GRM7: variants seen among roughly 807,000 people sequenced by gnomAD.
GRM7 encodes metabotropic glutamate receptor 7.
In GRM7, 35 loss-of-function variants were observed where a neutral mutation model predicts 84.5. The ratio of observed to expected loss-of-function variants is 0.41; its 90% confidence interval spans 0.32 to 0.55. GRM7 has a LOEUF of 0.55. Ranked by LOEUF, GRM7 falls within the 20% of genes least tolerant of loss-of-function variation. The pLI is 0.19. For missense variants in GRM7, 1,003 were observed against 1,194.6 expected (o/e 0.84, Z 2.36); for synonymous variants, 487 against 455.1 (o/e 1.07, Z -0.89).
chr3:7,341,741 A>G (rs1692644366), intron 4 of GRM7, among the ~76,000 whole-genome samples: 1 of 152,146 alleles, frequency 6.6e-6, no homozygotes, highest in South Asian at 2.1e-4. Context: ...TATGTGTTTT[A>G]CATGTGTTTA....
intron 1 of GRM7, among the ~76,000 whole-genome samples, chr3:7,069,560 A>G (rs928905891): frequency 5.9e-5 from 9 of 152,102 alleles, no homozygotes; most frequent in Non-Finnish European, 4.4e-5. Flanking sequence ...AATGACATCA[A>G]TGTATCCACT....
intron 2 of GRM7, among the ~76,000 whole-genome samples, chr3:7,276,252 T>C (rs1309413201): frequency 6.9e-6 from 1 of 144,554 alleles, no homozygotes; most frequent in Non-Finnish European, 1.5e-5. Context: ...TGTGTGTGTA[T>C]ATATAATTGT....
At chr3:7,300,050 A>G (rs1699944646) in intron 3 of GRM7, among the ~76,000 whole-genome samples, 1 of 152,084 alleles carries the variant, frequency 6.6e-6, no homozygotes, top group South Asian at 2.1e-4. Context: ...AGACAAAAAT[A>G]TGTCCCTTCT....
chr3:7,659,333 G>A (rs904291568), intron 8 of GRM7, among the ~76,000 whole-genome samples: 2 of 152,268 alleles, frequency 1.3e-5, no homozygotes, highest in African/African-American at 4.8e-5. Flanking sequence ...CAGAAATATG[G>A]TCTATAGCTA....
intron 7 of GRM7, among the ~76,000 whole-genome samples, chr3:7,546,754 A>C (rs2125020785): frequency 6.6e-6 from 1 of 152,330 alleles, no homozygotes; most frequent in South Asian, 2.1e-4. Context: ...TTCTGTAACA[A>C]CTATGTAGCA....
In GRM7 at chr3:7,646,705, T is replaced by C. The variant is rs536557385; in HGVS notation, c.2452-33344T>C. ...TCATGGTGATTTTGGGGGGGAAGGT[T>C]ATATGTATATGTGTGCATGTATGAG... On this transcript the variant is annotated intron_variant, in intron 8 of 9. Coordinates refer to ENST00000357716, the MANE Select transcript of GRM7 (RefSeq NM_000844.4). 3.9e-5 allele frequency among the ~76,000 whole-genome samples: 6 copies of C among 152,312 alleles called. No homozygotes were observed. In the East Asian group the frequency reaches 1.2e-3, roughly 29 times the overall value.
chr3:7,034,469 A>G (rs1474545119), intron 1 of GRM7, among the ~76,000 whole-genome samples: 1 of 152,196 alleles, frequency 6.6e-6, no homozygotes, highest in Non-Finnish European at 1.5e-5. Flanking sequence ...AAGTATGGCT[A>G]CTTGATTTAT....
intron 2 of GRM7, among the ~76,000 whole-genome samples, chr3:7,231,541 G>C (rs1575061246): frequency 6.6e-6 from 1 of 152,094 alleles, no homozygotes; most frequent in Non-Finnish European, 1.5e-5. Context: ...GAATGTTCTT[G>C]AACTATGTTT....
In GRM7 at chr3:6,863,125, G is replaced by GT. The variant is rs554876053; in HGVS notation, c.519+1228dup. 31,463 of 298,524 alleles carry GT rather than the reference G, an allele frequency of 0.11. 806 individuals are homozygous for GT. Among genetic ancestry groups the GT allele is most frequent in the Non-Finnish European group, 0.13 (19,557 of 149,956 alleles). 18.5% of individuals were successfully genotyped at this position (298,524 alleles called of 1,614,324 possible). On this transcript the variant is annotated intron_variant, in intron 1 of 9. Transcript: ENST00000357716. This position sits in a 1 kb window ranked among gnomAD's most constrained non-coding sequence, Gnocchi z 4.8. ...CTCTTTCTGTCTCTGTCTCCTTGCT[G>GT]TTTTTTTTTTCTCTCTGTTTTTTCT... is the stretch of plus-strand genomic sequence containing the variant.
At chr3:6,879,805 C>G (rs1695440658) in intron 1 of GRM7, among the ~76,000 whole-genome samples, 1 of 152,172 alleles carries the variant, frequency 6.6e-6, no homozygotes, top group African/African-American at 2.4e-5. Context: ...AGTTACTTAC[C>G]TAACTTTCCT....
chr3:7,253,857 G>C (rs146171424), intron 2 of GRM7, among the ~76,000 whole-genome samples: 4 of 152,094 alleles, frequency 2.6e-5, no homozygotes, highest in Non-Finnish European at 2.9e-5. Context: ...TGGATTTTGC[G>C]CATCATTTCA....
intron 5 of GRM7, among the ~76,000 whole-genome samples, chr3:7,437,020 A>G (rs1697085044): frequency 6.6e-6 from 1 of 152,164 alleles, no homozygotes; most frequent in Non-Finnish European, 1.5e-5. Context: ...CATCAAGTCC[A>G]ATGTATACTC....
At chr3:7,666,734 G>A (rs942077497) in intron 8 of GRM7, among the ~76,000 whole-genome samples, 13 of 151,828 alleles carry the variant, frequency 8.6e-5, no homozygotes, top group South Asian at 8.3e-4. Context: ...AAATATTACC[G>A]GTATTATTAA....
chr3:7,518,124 T>C (rs1700460617), intron 7 of GRM7, among the ~76,000 whole-genome samples: 1 of 152,150 alleles, frequency 6.6e-6, no homozygotes, highest in Non-Finnish European at 1.5e-5. Flanking sequence ...GGACCTCTCT[T>C]GTAAGAACTG....
In GRM7 at chr3:6,947,581, G is replaced by C. The variant is rs138569354; in HGVS notation, c.519+85674G>C. Among the ~76,000 whole-genome samples the C allele has an allele frequency of 6.7e-3, 1,019 of 152,278 alleles. 13 individuals carry two copies. The highest frequency in any genetic ancestry group is 0.023 in the African/African-American group (956 of 41,540). On this transcript the variant is annotated intron_variant, in intron 1 of 9. Transcript: ENST00000357716. ...ATGCTGGCCTCATAAAATGAGTTAGGGAGGATTCCCTCTTTTTCTATTGAT... is the reference window on the plus strand; with the variant it reads ...ATGCTGGCCTCATAAAATGAGTTAGCGAGGATTCCCTCTTTTTCTATTGAT...
At chr3:7,358,420 C>T (rs576409572) in intron 4 of GRM7, among the ~76,000 whole-genome samples, 5 of 125,464 alleles carry the variant, frequency 4.0e-5, no homozygotes, top group Admixed American at 7.9e-5. Flanking sequence ...CAAAATTAAA[C>T]GGTCATGTGA....
chr3:7,194,467 T>C (rs1287392574), intron 2 of GRM7, among the ~76,000 whole-genome samples: 4 of 152,188 alleles, frequency 2.6e-5, no homozygotes, highest in African/African-American at 9.6e-5. Context: ...TCCTACAGTT[T>C]AAGTCCTCGG....
chr3:7,665,035 G>T (rs1231847283), intron 8 of GRM7, among the ~76,000 whole-genome samples: 2 of 151,714 alleles, frequency 1.3e-5, no homozygotes, highest in African/African-American at 4.8e-5. Context: ...TTATCATTTG[G>T]GACATCTGCC....
At chr3:7,372,453 A>T (rs1694178493) in intron 4 of GRM7, among the ~76,000 whole-genome samples, 1 of 152,148 alleles carries the variant, frequency 6.6e-6, no homozygotes, top group Non-Finnish European at 1.5e-5. Context: ...CCAGAATTGT[A>T]GAGGGCAGTC....
Sources: allele counts gnomAD v4.1 joint callset (sites outside exome capture counted in the v4.1 genomes callset), GRCh38; gene constraint gnomAD v4.1.1; non-coding constraint Gnocchi (gnomAD v3.1); transcripts MANE v1.5; gene names NCBI Gene and HGNC (gene_info 2026-07-23, HGNC 2026-07-21).